Variants in PCSK2 observed in about 807,000 individuals in gnomAD.
The protein encoded by PCSK2 is neuroendocrine convertase 2.
Under a neutral mutation model 69.7 loss-of-function variants are expected in PCSK2, and 14 were observed. That is an observed-to-expected ratio of 0.20 (90% confidence interval 0.13 to 0.31). PCSK2 has a LOEUF of 0.31. Ranked by LOEUF, PCSK2 falls within the 10% of genes least tolerant of loss-of-function variation. The pLI is 1.00. For synonymous variants in PCSK2, 307 were observed against 320.7 expected (o/e 0.96, Z 0.46); for missense variants, 544 against 842.5 (o/e 0.65, Z 4.39).
intron 2 of PCSK2, among the ~76,000 whole-genome samples, chr20:17,275,084 C>CAT (rs11474649): frequency 0.062 from 8,793 of 141,290 alleles, 281 homozygotes; most frequent in East Asian, 0.14. Flanking sequence ...ATTATTTATA[C>CAT]ATATATATAT....
intron 2 of PCSK2, among the ~76,000 whole-genome samples, chr20:17,273,809 G>A (rs1358359406): frequency 1.3e-5 from 2 of 152,140 alleles, no homozygotes; most frequent in Non-Finnish European, 2.9e-5. Context: ...AGTCCAGCAT[G>A]AGCTGGATAG....
At chr20:17,445,035 C>T (rs2032671478) in intron 8 of PCSK2, among the ~76,000 whole-genome samples, 3 of 152,222 alleles carry the variant, frequency 2.0e-5, no homozygotes, top group Admixed American at 2.0e-4. Flanking sequence ...TATGGGCTCA[C>T]ACACAACTCC....
chr20:17,249,693 C>T (rs1986901791), intron 1 of PCSK2, among the ~76,000 whole-genome samples: 2 of 152,084 alleles, frequency 1.3e-5, no homozygotes, highest in South Asian at 4.1e-4. Context: ...ACACATGCCA[C>T]AACATGATGA....
chr20:17,481,720 A>T lies in PCSK2; in HGVS notation c.1567A>T (p.Ile523Phe), dbSNP rs1301402757. Reference sequence around the variant, plus strand: ...CGCAACCAGAAGAGGAGACCTGAACATCAACATGACTTCCCCTATGGGCAC... The same window carrying T: ...CGCAACCAGAAGAGGAGACCTGAACTTCAACATGACTTCCCCTATGGGCAC... Reference protein sequence around the residue: ...VNATRRGDLNINMTSPMGTKS... With the variant: ...VNATRRGDLNFNMTSPMGTKS... Residue 523 changes from isoleucine to phenylalanine, a missense_variant, in exon 12 of 12, where the codon ATC becomes TTC. By Grantham distance (21) the Ile-to-Phe change is conservative. Transcript: ENST00000262545. 8.1e-6 allele frequency: 13 copies of T among 1,614,036 alleles called. No individual in the cohort carries two copies. The highest frequency in any genetic ancestry group is 1.7e-5 in the Admixed American group (1 of 60,006).
At chr20:17,360,259 A>C (rs990263284) in intron 3 of PCSK2, among the ~76,000 whole-genome samples, 1 of 152,050 alleles carries the variant, frequency 6.6e-6, no homozygotes, top group Non-Finnish European at 1.5e-5. Flanking sequence ...AAAGATAGTG[A>C]TCTAGTTATA....
chr20:17,356,696 G>A (rs1186681026), intron 2 of PCSK2, among the ~76,000 whole-genome samples: 2 of 152,176 alleles, frequency 1.3e-5, no homozygotes, highest in Non-Finnish European at 2.9e-5. Flanking sequence ...GATATCGGGG[G>A]CTCACAATCA....
chr20:17,347,386 T>C (rs1372575638), intron 2 of PCSK2, among the ~76,000 whole-genome samples: 2 of 152,122 alleles, frequency 1.3e-5, no homozygotes, highest in Non-Finnish European at 1.5e-5. Context: ...AAGCCAGCAG[T>C]TGGCGGCAAA....
intron 4 of PCSK2, among the ~76,000 whole-genome samples, chr20:17,362,296 C>G (rs2030421999): frequency 6.6e-6 from 1 of 152,218 alleles, no homozygotes; most frequent in African/African-American, 2.4e-5. Flanking sequence ...ACTCTGCCCC[C>G]CAATTACAAT....
rs1165546510 is a variant in PCSK2 at position 17,303,442 on chromosome 20, A to AATAT, written c.282+43103_282+43106dup. 1.8e-3 allele frequency among the ~76,000 whole-genome samples: 103 copies of AATAT among 57,940 alleles called. 2 individuals are homozygous for AATAT. Among genetic ancestry groups the AATAT allele is most frequent in the East Asian group, 3.5e-3 (14 of 4,004 alleles). 38.0% of individuals were successfully genotyped at this position (57,940 alleles called of 152,430 possible). A position where few individuals can be genotyped will look rare whatever the true frequency, so the allele number is the denominator to read the frequency against. The stretch of plus-strand genomic sequence containing the variant: ...GTTATATATTTTTAATATATAATAT[A>AATAT]ATATATATTATATTAAATATAATAT... On this transcript the variant is annotated intron_variant, in intron 2 of 11. Coordinates refer to ENST00000262545, the MANE Select transcript of PCSK2 (RefSeq NM_002594.5).
chr20:17,299,688 T>A (rs1414523477), intron 2 of PCSK2, among the ~76,000 whole-genome samples: 1 of 152,134 alleles, frequency 6.6e-6, no homozygotes, highest in African/African-American at 2.4e-5. Flanking sequence ...GTTCTGGAAA[T>A]TTTTCTTAAG....
chr20:17,324,141 A>G (rs567343429), intron 2 of PCSK2, among the ~76,000 whole-genome samples: 3 of 152,352 alleles, frequency 2.0e-5, no homozygotes, highest in Admixed American at 6.5e-5. Context: ...GCCTGATAAC[A>G]TACCTTGTAT....
At chr20:17,462,564 G>C (rs2033031215) in intron 10 of PCSK2, among the ~76,000 whole-genome samples, 1 of 152,170 alleles carries the variant, frequency 6.6e-6, no homozygotes, top group South Asian at 2.1e-4. Context: ...CATCATGACA[G>C]CCCTCACATT....
intron 1 of PCSK2, among the ~76,000 whole-genome samples, chr20:17,228,966 C>T (rs879386556): frequency 1.3e-5 from 2 of 152,110 alleles, no homozygotes; most frequent in East Asian, 3.9e-4. Context: ...GGTTTTGGCC[C>T]GTGGCCTGCC....
At chr20:17,479,266 G>A (rs1263938600) in intron 11 of PCSK2, 4 of 1,095,614 alleles carry the variant, frequency 3.7e-6, no homozygotes, top group Admixed American at 1.7e-5. Context: ...CCCAGCTTAG[G>A]CAGATGTGTT....
At chr20:17,464,012 T>C (rs1325671179) in intron 10 of PCSK2, 2 of 152,180 alleles carry the variant, frequency 1.3e-5, no homozygotes, top group Non-Finnish European at 2.9e-5. Flanking sequence ...AAAAAATAGC[T>C]TCCTGTATTA....
At chr20:17,477,582 A>G (rs1431831160) in intron 11 of PCSK2, among the ~76,000 whole-genome samples, 1 of 152,212 alleles carries the variant, frequency 6.6e-6, no homozygotes, top group Admixed American at 6.5e-5. Flanking sequence ...AACAAAGATC[A>G]CTGCGTTGAA....
chr20:17,347,079 AATTG>A (rs1202956742), intron 2 of PCSK2, among the ~76,000 whole-genome samples: 2 of 152,146 alleles, frequency 1.3e-5, no homozygotes. Flanking sequence ...CTCCCTCCTC[AATTG>A]ATCATCTTTA....
chr20:17,367,274 C>T (rs749208555), intron 4 of PCSK2, among the ~76,000 whole-genome samples: 53 of 152,144 alleles, frequency 3.5e-4, no homozygotes, highest in Non-Finnish European at 6.8e-4. Flanking sequence ...TGCATATGCA[C>T]ACTACTCCAG....
chr20:17,372,904 A>G (rs1405051173), intron 5 of PCSK2, among the ~76,000 whole-genome samples: 2 of 152,164 alleles, frequency 1.3e-5, no homozygotes, highest in South Asian at 4.1e-4. Context: ...ATTTTACACT[A>G]TCATTAACAC....
Sources: gnomAD v4.1 joint callset for allele counts (sites outside exome capture counted in the v4.1 genomes callset) on GRCh38, gnomAD v4.1.1 for gene constraint, MANE v1.5 for transcripts, NCBI Gene and HGNC (gene_info 2026-07-23, HGNC 2026-07-21) for gene names.